KCNMA1: variants seen among roughly 807,000 people sequenced by gnomAD.
KCNMA1 encodes potassium calcium-activated channel subfamily M alpha 1.
KCNMA1 carries 29 observed loss-of-function variants against 140.0 expected under a neutral mutation model. That is an observed-to-expected ratio of 0.21 (90% CI 0.15 to 0.28). The LOEUF (loss-of-function observed/expected upper bound fraction) is 0.28, where lower values mean the gene tolerates loss of function less well. Ranked by LOEUF, KCNMA1 falls within the 10% of genes least tolerant of loss-of-function variation. The probability of loss-of-function intolerance (pLI) is 1.00; values close to 1 mark genes in which losing one functional copy is unlikely to be tolerated. For synonymous variants in KCNMA1, 612 were observed against 611.9 expected, an observed-to-expected ratio of 1.00 and a Z score of 0.00; for missense variants, 880 against 1,602.2, an observed-to-expected ratio of 0.55 and a Z score of 7.70.
intron 14 of KCNMA1, among the ~76,000 whole-genome samples, chr10:77,044,417 C>A (rs568484412): frequency 2.6e-5 from 4 of 152,072 alleles, no homozygotes; most frequent in African/African-American, 4.8e-5. Context: ...ACTTTGGAAG[C>A]TGAGGCAGGA....
At chr10:77,528,672 C>T (rs1338634869) in intron 1 of KCNMA1, among the ~76,000 whole-genome samples, 1 of 151,312 alleles carries the variant, frequency 6.6e-6, no homozygotes, top group African/African-American at 2.4e-5. Flanking sequence ...TTCATAGCAG[C>T]ACTATTCACA....
At chr10:77,250,979 C>T (rs2059554348) in intron 3 of KCNMA1, 1 of 581,062 alleles carries the variant, frequency 1.7e-6, no homozygotes, top group Admixed American at 2.8e-5. Context: ...ACCTCATATA[C>T]CTCACCCTCC....
chr10:77,544,160 G>A (rs192459736), intron 1 of KCNMA1, among the ~76,000 whole-genome samples: 52 of 150,336 alleles, frequency 3.5e-4, no homozygotes, highest in African/African-American at 1.2e-3. Flanking sequence ...CTGTGTGTGT[G>A]TGTGTGTGTG....
At position 77,081,659 on chromosome 10, in the gene KCNMA1, C is replaced by T. The variant is rs559745243; in HGVS notation, c.1524-2109G>A. On this transcript the variant is annotated intron_variant, in intron 12 of 27. Coordinates refer to ENST00000286628, the MANE Select transcript of KCNMA1 (RefSeq NM_001161352.2). The stretch of plus-strand genomic sequence containing the variant: ...CCTCTCCCAGCACAAATTCACCCTG[C>T]GTTTTTGCACTTGAAGGATTTCATT... 1.2e-4 allele frequency among the ~76,000 whole-genome samples: 18 copies of T among 152,274 alleles called. No individual in the cohort carries two copies. In the South Asian group the frequency reaches 1.7e-3, roughly 14 times the overall value.
intron 1 of KCNMA1, among the ~76,000 whole-genome samples, chr10:77,554,597 C>CAA (rs59754706): frequency 0.012 from 967 of 83,934 alleles, 15 homozygotes; most frequent in African/African-American, 0.036. Context: ...TACTCCATCT[C>CAA]AAAAAAAAAA....
At chr10:77,062,024 C>T (rs1263877228) in intron 14 of KCNMA1, among the ~76,000 whole-genome samples, 2 of 152,114 alleles carry the variant, frequency 1.3e-5, no homozygotes, top group African/African-American at 4.8e-5. Context: ...GACTGTACAG[C>T]ATGAGGGAAT....
chr10:77,134,420 T>C (rs1388032559), intron 5 of KCNMA1, among the ~76,000 whole-genome samples: 3 of 151,906 alleles, frequency 2.0e-5, no homozygotes. Flanking sequence ...ATATAACTAG[T>C]GAATAATCAT....
intron 19 of KCNMA1, among the ~76,000 whole-genome samples, chr10:76,998,656 C>A (rs1012869924): frequency 1.3e-5 from 2 of 152,198 alleles, no homozygotes; most frequent in Non-Finnish European, 2.9e-5. Flanking sequence ...AAACCCTCTA[C>A]ATTTCACATC....
chr10:77,004,239 A>AT (rs1368254914), intron 18 of KCNMA1, among the ~76,000 whole-genome samples: 1 of 151,952 alleles, frequency 6.6e-6, no homozygotes, highest in African/African-American at 2.4e-5. Flanking sequence ...ACACACACAC[A>AT]CACACACACA....
intron 14 of KCNMA1, among the ~76,000 whole-genome samples, chr10:77,056,918 G>C (rs1049857066): frequency 6.6e-6 from 1 of 152,030 alleles, no homozygotes; most frequent in Non-Finnish European, 1.5e-5. Context: ...AGAGCCTCAG[G>C]GTCCTCTGAT....
At chr10:77,223,625 T>A (rs2050381806) in intron 3 of KCNMA1, among the ~76,000 whole-genome samples, 1 of 152,172 alleles carries the variant, frequency 6.6e-6, no homozygotes, top group Non-Finnish European at 1.5e-5. Flanking sequence ...AGAACACAAG[T>A]TCATTTTCTC....
intron 8 of KCNMA1, among the ~76,000 whole-genome samples, chr10:77,109,290 C>T (rs1314898194): frequency 6.6e-6 from 1 of 152,046 alleles, no homozygotes; most frequent in African/African-American, 2.4e-5. Context: ...TGTATAGGCC[C>T]TATGCATACA....
chr10:77,372,523 A>G (rs1603439661), intron 2 of KCNMA1, among the ~76,000 whole-genome samples: 1 of 151,378 alleles, frequency 6.6e-6, no homozygotes, highest in Admixed American at 6.6e-5. Context: ...CAGCCAAGTC[A>G]CTCCTCTCTC....
intron 3 of KCNMA1, among the ~76,000 whole-genome samples, chr10:77,214,580 C>T (rs1410436512): frequency 2.0e-5 from 3 of 152,194 alleles, no homozygotes; most frequent in South Asian, 2.1e-4. Flanking sequence ...AACCACATTT[C>T]CAGAGACTAC....
chr10:77,381,141 A>T (rs1330691353), intron 2 of KCNMA1, among the ~76,000 whole-genome samples: 1 of 152,170 alleles, frequency 6.6e-6, no homozygotes, highest in African/African-American at 2.4e-5. Flanking sequence ...AGATTCATTC[A>T]TTCAGCCCCT....
In KCNMA1 at chr10:77,535,899, G is replaced by A. The variant is rs565188086; in HGVS notation, c.378+101366C>T. On this transcript the variant is annotated intron_variant, in intron 1 of 27. Transcript: ENST00000286628. The stretch of plus-strand genomic sequence containing the variant: ...CAGAAGCTGGGAAGGGTAGTGGGGA[G>A]GGGATATTAAGAGGGATTGGTTGAT... Among the ~76,000 whole-genome samples the A allele has an allele frequency of 1.2e-4, 18 of 152,284 alleles. 1 individual carries two copies. The South Asian group carries it at 1.5e-3, about 12-fold the overall frequency.
At chr10:76,983,680 T>C (rs2080269394) in intron 19 of KCNMA1, among the ~76,000 whole-genome samples, 1 of 148,972 alleles carries the variant, frequency 6.7e-6, no homozygotes, top group Non-Finnish European at 1.5e-5. Context: ...TGAGCTAAGA[T>C]CGCACAACTG....
chr10:76,989,682 T>C (rs988252448), intron 19 of KCNMA1, among the ~76,000 whole-genome samples: 1 of 152,186 alleles, frequency 6.6e-6, no homozygotes, highest in African/African-American at 2.4e-5. Flanking sequence ...ATTAAACAAA[T>C]TGACTCCATT....
chr10:77,237,907 T>C (rs943948648), intron 3 of KCNMA1, among the ~76,000 whole-genome samples: 8 of 152,160 alleles, frequency 5.3e-5, no homozygotes, highest in African/African-American at 1.9e-4. Context: ...TCTGTGACCT[T>C]CTACCCGAAG....
Sources: allele counts gnomAD v4.1 joint callset (sites outside exome capture counted in the v4.1 genomes callset), GRCh38; gene constraint gnomAD v4.1.1; transcripts MANE v1.5; gene names NCBI Gene and HGNC (gene_info 2026-07-23, HGNC 2026-07-21).